Variants in OGDH observed in about 807,000 individuals in gnomAD.
OGDH encodes oxoglutarate dehydrogenase, also known as 2-oxoglutarate dehydrogenase complex component E1.
In OGDH, 38 loss-of-function variants were observed where a neutral mutation model predicts 116.6. The ratio of observed to expected loss-of-function variants is 0.33; its 90% CI spans 0.25 to 0.43. The LOEUF is 0.43. Among genes scored for constraint, OGDH ranks in the 20% least tolerant of loss-of-function variants. OGDH has a pLI of 1.00. For missense variants in OGDH, 825 were observed against 1,357.2 expected (o/e 0.61, Z 6.16); for synonymous variants, 488 against 533.3 (o/e 0.92, Z 1.17).
At chr7:44,613,678 T>G (rs1239775151) in intron 1 of OGDH, among the ~76,000 whole-genome samples, 1 of 151,948 alleles carries the variant, frequency 6.6e-6, no homozygotes, top group East Asian at 1.9e-4. Flanking sequence ...ATATTTTTAG[T>G]CGAGATGGGG....
At chr7:44,633,606 C>T (rs895327202) in intron 2 of OGDH, among the ~76,000 whole-genome samples, 2 of 152,164 alleles carry the variant, frequency 1.3e-5, no homozygotes, top group African/African-American at 2.4e-5. Flanking sequence ...CATATCTCTT[C>T]GCGTCCATGA....
chr7:44,692,256 A>G (rs746480555), intron 10 of OGDH, among the ~76,000 whole-genome samples: 6 of 152,206 alleles, frequency 3.9e-5, no homozygotes, highest in African/African-American at 4.8e-5. Context: ...AACAAAAGAA[A>G]TGTCCACCAA....
intron 10 of OGDH, among the ~76,000 whole-genome samples, chr7:44,688,582 C>G (rs1260544813): frequency 6.6e-6 from 1 of 151,624 alleles, no homozygotes; most frequent in Non-Finnish European, 1.5e-5. Context: ...AGGCACCCAC[C>G]ACCATGCCCA....
At chr7:44,611,465 C>T (rs954826822) in intron 1 of OGDH, among the ~76,000 whole-genome samples, 4 of 151,652 alleles carry the variant, frequency 2.6e-5, no homozygotes, top group Admixed American at 6.6e-5. Flanking sequence ...TTAGTAGAGA[C>T]GGGGTTTCAC....
chr7:44,697,366 T>G lies in OGDH; in HGVS notation c.2052-4T>G, dbSNP rs74692009. 5.0e-6 allele frequency: 8 copies of G among 1,614,024 alleles called. No individual in the cohort carries two copies. The highest frequency in any genetic ancestry group is 6.8e-6 in the Non-Finnish European group (8 of 1,180,028). ...TAATTATTACCTCTGTTGTCCTGTC[T>G]CAGCCACCGCCACCATGTGCTCCAT... On this transcript the variant is annotated splice_region_variant and splice_polypyrimidine_tract_variant and intron_variant, in intron 15 of 22. Transcript: ENST00000222673. The surrounding 1 kb of genome is among the most constrained non-coding windows in gnomAD (Gnocchi z 6.0).
intron 10 of OGDH, 137 bp from the exon 11 acceptor site, chr7:44,693,688 T>C: frequency 1.8e-6 from 1 of 557,948 alleles, no homozygotes; most frequent in Non-Finnish European, 3.0e-6. Context: ...AAAGAAAAAG[T>C]GTAAACAGCC....
intron 2 of OGDH, among the ~76,000 whole-genome samples, chr7:44,629,004 CCCCTCTTAAG>C (rs1368285650): frequency 4.6e-5 from 7 of 152,180 alleles, no homozygotes; most frequent in Non-Finnish European, 1.0e-4. Context: ...TCCTCACTGA[CCCCTCTTAAG>C]AGCCTTCAGC....
intron 4 of OGDH, chr7:44,656,205 A>T: frequency 1.0e-6 from 1 of 992,344 alleles, no homozygotes; most frequent in African/African-American, 1.6e-5. Context: ...TGTCTGTGCT[A>T]CCTGTTACTG....
chr7:44,627,866 G>A (rs1429696715), intron 2 of OGDH, among the ~76,000 whole-genome samples: 11 of 152,126 alleles, frequency 7.2e-5, no homozygotes, highest in African/African-American at 2.2e-4. Context: ...TAGTAGAGAC[G>A]GGGTTTCACC....
intron 1 of OGDH, among the ~76,000 whole-genome samples, chr7:44,613,132 T>C (rs1784631629): frequency 6.6e-6 from 1 of 151,760 alleles, no homozygotes; most frequent in Non-Finnish European, 1.5e-5. Context: ...TGCCTCTGCC[T>C]CCCAAAGTGC....
chr7:44,666,837 A>G lies in OGDH; in HGVS notation c.619A>G (p.Ile207Val), dbSNP rs745354165. The change falls in exon 5 of 23, where the codon ATC (isoleucine) becomes GTC (valine). Residue 207 changes from isoleucine (I) to valine (V), a missense_variant. Coordinates refer to ENST00000222673, the MANE Select transcript of OGDH (RefSeq NM_002541.4). The stretch of plus-strand genomic sequence containing the variant: ...ATCAGCACTTCCTCTGCGGGAGATC[A>G]TCCGTCGGCTGGAGGTAAGAGCAGT... ...QESALPLREI[I>V]RRLEMAYCQH... 1 of 1,609,366 alleles carries G rather than the reference A, an allele frequency of 6.2e-7. No individual in the cohort carries two copies. The highest frequency in any genetic ancestry group is 1.1e-5 in the South Asian group (1 of 90,400).
At chr7:44,627,233 G>C (rs1025639064) in intron 2 of OGDH, among the ~76,000 whole-genome samples, 4 of 152,234 alleles carry the variant, frequency 2.6e-5, no homozygotes, top group Non-Finnish European at 4.4e-5. Flanking sequence ...CTGGCCTCGT[G>C]ATCCGCCTGC....
Position 44,645,388 on chromosome 7 carries a change from G to A in OGDH, c.284G>A (p.Ser95Asn), listed in dbSNP as rs1426845630. 6.2e-7 allele frequency: 1 copy of A among 1,614,128 alleles called. No individual in the cohort carries two copies. The highest frequency in any genetic ancestry group is 8.5e-7 in the Non-Finnish European group (1 of 1,180,016). The stretch of plus-strand genomic sequence containing the variant: ...GCCCCACCGGGCACTGCCTACCAGA[G>A]TCCCCTTCCCCTGAGCCGAGGCTCC... ...AGAPPGTAYQ[S>N]PLPLSRGSLA... Residue 95 changes from serine (S) to asparagine (N), a missense_variant, in exon 3 of 23, where the codon AGT (serine) becomes AAT (asparagine). Transcript: ENST00000222673.
chr7:44,645,581 G>T, intron 3 of OGDH, 63 bp downstream of exon 3: 1 of 1,487,014 alleles, frequency 6.7e-7, no homozygotes. Context: ...CATGCCTCAT[G>T]GGCCCTATTG....
intron 9 of OGDH, among the ~76,000 whole-genome samples, chr7:44,681,281 G>T (rs1218315975): frequency 6.6e-6 from 1 of 152,244 alleles, no homozygotes; most frequent in Non-Finnish European, 1.5e-5. Context: ...TCCTTCCCAA[G>T]TGGGGACCCA....
At chr7:44,702,813 G>T (rs925737077) in intron 20 of OGDH, among the ~76,000 whole-genome samples, 3 of 152,124 alleles carry the variant, frequency 2.0e-5, no homozygotes, top group African/African-American at 7.2e-5. Flanking sequence ...AGCCAGGATG[G>T]TGTCAATCTC....
intron 1 of OGDH, among the ~76,000 whole-genome samples, chr7:44,609,129 G>T (rs1013312733): frequency 6.6e-6 from 1 of 151,942 alleles, no homozygotes; most frequent in East Asian, 1.9e-4. Flanking sequence ...CAAATAAAAG[G>T]ATTCATAGAG....
chr7:44,683,801 A>G (rs1222191186), intron 10 of OGDH, among the ~76,000 whole-genome samples: 1 of 152,220 alleles, frequency 6.6e-6, no homozygotes, highest in East Asian at 1.9e-4. Flanking sequence ...GGCCTGATAC[A>G]TATCACCTGT....
Position 44,639,489 on chromosome 7 carries a change from C to G in OGDH, c.223-5838C>G, listed in dbSNP as rs548294568. Among the ~76,000 whole-genome samples, 18 of 152,302 alleles carry G rather than the reference C, an allele frequency of 1.2e-4. No individual in the cohort carries two copies. The East Asian group carries it at 3.1e-3, about 26-fold the overall frequency. ...AGCCTGCAGGCCAAATAATGACCTTCATTTTCAAAGCCTTTTTGAATAAAT... is the reference window on the plus strand; with the variant it reads ...AGCCTGCAGGCCAAATAATGACCTTGATTTTCAAAGCCTTTTTGAATAAAT... On this transcript the variant is annotated intron_variant, in intron 2 of 22. Transcript: ENST00000222673.
Sources: allele counts gnomAD v4.1 joint callset (sites outside exome capture counted in the v4.1 genomes callset), GRCh38; gene constraint gnomAD v4.1.1; non-coding constraint Gnocchi (gnomAD v3.1); transcripts MANE v1.5; gene names NCBI Gene and HGNC (gene_info 2026-07-23, HGNC 2026-07-21).